Variants in LRRC56 observed in about 807,000 individuals in gnomAD.
LRRC56 encodes the protein leucine-rich repeat-containing protein 56.
In LRRC56, 41 loss-of-function variants were observed where a neutral mutation model predicts 47.8. The ratio of observed to expected loss-of-function variants is 0.86; its 90% confidence interval spans 0.67 to 1.11. LRRC56 has a LOEUF of 1.11. Ranked by LOEUF, LRRC56 falls within the 50% of genes most tolerant of loss-of-function variation. The probability of loss-of-function intolerance (pLI) is 0.00; values close to 1 mark genes in which losing one functional copy is unlikely to be tolerated. For missense variants in LRRC56, 759 were observed against 704.2 expected (o/e 1.08, Z -0.88); for synonymous variants, 387 against 311.2 (o/e 1.24, Z -2.56).
At chr11:536,822 G>T (rs975519026), upstream of LRRC56, 3 of 152,264 alleles carry the variant, frequency 2.0e-5, no homozygotes, top group Admixed American at 6.5e-5. Flanking sequence ...TCCAGCGCCC[G>T]CCTCGCCCTC....
At chr11:549,587 T>C (rs1251575241) in intron 6 of LRRC56, among the ~76,000 whole-genome samples, 5 of 152,072 alleles carry the variant, frequency 3.3e-5, no homozygotes, top group Non-Finnish European at 7.4e-5. Context: ...GAGGAGACAA[T>C]TAGAAAGAGA....
chr11:532,867 C>T, upstream of LRRC56: 2 of 1,059,458 alleles, frequency 1.9e-6, no homozygotes, highest in Non-Finnish European at 2.9e-6. Flanking sequence ...CCGACTCCAC[C>T]AGCCACTTCC....
At chr11:517,514 C>T in the LRRC56 span, among the ~76,000 whole-genome samples, 19 of 150,714 alleles carry the variant, frequency 1.3e-4, no homozygotes, top group African/African-American at 3.9e-4. Context: ...AGGTGGGGAG[C>T]GCCTCTGCCC....
chr11:517,160 C>T, the LRRC56 span, among the ~76,000 whole-genome samples: 1 of 152,262 alleles, frequency 6.6e-6, no homozygotes, highest in African/African-American at 2.4e-5. Flanking sequence ...CTCAGTGTTG[C>T]CAAGGCTGGA....
upstream of LRRC56, chr11:537,120 C>T (rs12421266): frequency 0.096 from 14,569 of 152,324 alleles, 964 homozygotes; most frequent in Admixed American, 0.19. Context: ...CGGCAGGCCT[C>T]GGCCCCAGGG....
the LRRC56 span, among the ~76,000 whole-genome samples, chr11:522,226 GCAC>G: frequency 2.6e-5 from 4 of 151,940 alleles, no homozygotes; most frequent in African/African-American, 9.6e-5. Context: ...CTACAGGCAC[GCAC>G]CACAATGGCT....
chr11:514,567 C>T, the LRRC56 span, among the ~76,000 whole-genome samples: 2 of 150,036 alleles, frequency 1.3e-5, no homozygotes, highest in Admixed American at 6.7e-5. Flanking sequence ...AGGTGTGAGC[C>T]ACTGTGCCCA....
At chr11:552,354 T>G (rs1852446846) in intron 12 of LRRC56, 122 bp downstream of exon 12, 3 of 1,385,386 alleles carry the variant, frequency 2.2e-6, no homozygotes, top group Non-Finnish European at 3.0e-6. Context: ...GCATGTCCTG[T>G]CCCGTGGGGG....
At chr11:525,851 C>T in the LRRC56 span, among the ~76,000 whole-genome samples, 1 of 151,970 alleles carries the variant, frequency 6.6e-6, no homozygotes, top group Non-Finnish European at 1.5e-5. Flanking sequence ...AGTGAGCTAC[C>T]ATCACACCAC....
chr11:534,104 G>C, upstream of LRRC56: 1 of 1,172,572 alleles, frequency 8.5e-7, no homozygotes, highest in Non-Finnish European at 1.3e-6. Context: ...AGGAGACAGG[G>C]CCACAGCACC....
upstream of LRRC56, among the ~76,000 whole-genome samples, chr11:536,259 C>A (rs571600496): frequency 1.3e-5 from 2 of 152,226 alleles, no homozygotes; most frequent in African/African-American, 4.8e-5. Flanking sequence ...GCGTGGCAGG[C>A]GACCCTGCCC....
At chr11:540,618 G>A in intron 3 of LRRC56, 56 bp from the exon 4 acceptor site, 1 of 1,497,158 alleles carries the variant, frequency 6.7e-7, no homozygotes, top group Non-Finnish European at 9.1e-7. Context: ...TCTCAGCCGG[G>A]CTGCAGAGGA....
chr11:549,773 G>T (rs192670940), intron 6 of LRRC56, 129 bp from the exon 7 acceptor site: 2 of 702,076 alleles, frequency 2.8e-6, no homozygotes, highest in East Asian at 5.4e-5. Context: ...AAGGCAGAGA[G>T]CCCCTTCCTC....
At chr11:550,040 C>T (rs778902228) in intron 7 of LRRC56, 32 bp from the exon 8 acceptor site, 16 of 1,611,188 alleles carry the variant, frequency 9.9e-6, no homozygotes, top group Non-Finnish European at 1.2e-5. Context: ...TGGGCTGGGC[C>T]GGGCCCTGGC....
intron 3 of LRRC56, 86 bp from the exon 4 acceptor site, chr11:540,588 G>T (rs1564797241): frequency 8.5e-7 from 1 of 1,179,602 alleles, no homozygotes; most frequent in Non-Finnish European, 1.2e-6. Flanking sequence ...GGGGGCGGGG[G>T]GTTGAGGGCT....
upstream of LRRC56, chr11:534,163 G>A (rs762945443): frequency 2.7e-6 from 4 of 1,456,184 alleles, no homozygotes; most frequent in Non-Finnish European, 1.9e-6. Context: ...CTGTGTCCTG[G>A]GCTCGCCCGC....
the LRRC56 span, among the ~76,000 whole-genome samples, chr11:527,945 GC>G: frequency 6.7e-6 from 1 of 150,284 alleles, no homozygotes; most frequent in African/African-American, 2.5e-5. Flanking sequence ...CAGGTGATCC[GC>G]CCGCCTCGGC....
intron 9 of LRRC56, 116 bp from the exon 10 acceptor site, chr11:551,535 G>A: frequency 8.7e-7 from 1 of 1,147,920 alleles, no homozygotes; most frequent in Non-Finnish European, 1.2e-6. Flanking sequence ...GCTGCAGCGT[G>A]AGAGGCCAGC....
chr11:526,892 AC>A, the LRRC56 span, among the ~76,000 whole-genome samples: 1 of 151,598 alleles, frequency 6.6e-6, no homozygotes, highest in South Asian at 2.1e-4. Flanking sequence ...AGCCAAGATC[AC>A]GCCACTGCAC....
Sources: allele counts gnomAD v4.1 joint callset (sites outside exome capture counted in the v4.1 genomes callset), GRCh38; gene constraint gnomAD v4.1.1; transcripts MANE v1.5; gene names NCBI Gene and HGNC (gene_info 2026-07-23, HGNC 2026-07-21).